The following PLEKHG4B variants were observed in gnomAD, a reference collection of about 807,000 sequenced individuals.
PLEKHG4B encodes the protein pleckstrin homology domain-containing family G member 4B.
A neutral mutation model predicts 121.3 loss-of-function variants in PLEKHG4B; 111 were observed. The ratio of observed to expected loss-of-function variants is 0.92; its 90% CI spans 0.78 to 1.07. The LOEUF (loss-of-function observed/expected upper bound fraction) is 1.07. PLEKHG4B is among the 50% of genes least tolerant of loss of function. PLEKHG4B has a pLI of 0.00. For synonymous variants in PLEKHG4B, 738 were observed against 725.0 expected (o/e 1.02, Z -0.29); for missense variants, 1,831 against 1,757.8 (o/e 1.04, Z -0.74).
At chr5:142,312 A>G (rs1043070971) in intron 3 of PLEKHG4B, among the ~76,000 whole-genome samples, 5 of 151,542 alleles carry the variant, frequency 3.3e-5, no homozygotes, top group Non-Finnish European at 5.9e-5. Context: ...AGTCACACAC[A>G]CGCCATAACA....
intron 2 of PLEKHG4B, among the ~76,000 whole-genome samples, chr5:127,957 A>C (rs1734668138): frequency 6.6e-6 from 1 of 152,246 alleles, no homozygotes. Context: ...TGGTGAATTT[A>C]AACATTTTCT....
At chr5:160,860 C>A (rs554251528) in intron 11 of PLEKHG4B, among the ~76,000 whole-genome samples, 1 of 152,214 alleles carries the variant, frequency 6.6e-6, no homozygotes, top group Non-Finnish European at 1.5e-5. Flanking sequence ...CTGCCCCTTG[C>A]CTGGCAGTTG....
In PLEKHG4B at chr5:181,519, A is replaced by G; in HGVS notation, c.4408A>G (p.Arg1470Gly). ...CATACTTTCTTCTGTCTTAGAACTC[A>G]GAATCCAAGAAATGGCATCCATGGG... ...WRQALKSREL[R>G]IQEMASMGIG... The change falls in exon 19 of 20, where the codon AGA becomes GGA. Residue 1470 changes from arginine to glycine, a missense_variant. Arg to Gly is a moderately radical substitution (Grantham distance 125). Transcript: ENST00000637938. 1 of 1,613,664 alleles carries G rather than the reference A, an allele frequency of 6.2e-7. No individual in the cohort carries two copies.
chr5:138,725 G>C (rs777109081), intron 2 of PLEKHG4B, among the ~76,000 whole-genome samples: 1 of 152,222 alleles, frequency 6.6e-6, no homozygotes. Context: ...CTTGGTGTAA[G>C]ATTCTGCAGA....
rs573741701 is a variant in PLEKHG4B, at chr5:130,734, C to A, written c.244-8749C>A. Among the ~76,000 whole-genome samples, 7 of 152,162 alleles carry A rather than the reference C, an allele frequency of 4.6e-5. No individual in the cohort carries two copies. In the East Asian group the frequency reaches 1.3e-3, roughly 29 times the overall value. On this transcript the variant is annotated intron_variant, in intron 2 of 19. Coordinates refer to ENST00000637938, the MANE Select transcript of PLEKHG4B (RefSeq NM_052909.5). ...TCTCCTTGACACTGTGTTGAAACAA[C>A]TTGAGTGCACCGCTTAGAGAAGACA...
intron 1 of PLEKHG4B, among the ~76,000 whole-genome samples, chr5:94,168 C>T (rs1469944332): frequency 6.6e-6 from 1 of 152,236 alleles, no homozygotes; most frequent in Admixed American, 6.5e-5. Context: ...TCCTGGTTCT[C>T]CTTCTCCCCT....
chr5:175,223 TC>T (rs987917608), intron 18 of PLEKHG4B, among the ~76,000 whole-genome samples: 2 of 151,972 alleles, frequency 1.3e-5, no homozygotes, highest in African/African-American at 2.4e-5. Context: ...CCCTCAGTCT[TC>T]CTGCAGGTGA....
In PLEKHG4B at chr5:104,500, TATTA is replaced by T. The variant is rs748355294; in HGVS notation, c.46-8745_46-8742del. On this transcript the variant is annotated intron_variant, in intron 1 of 19. Coordinates refer to ENST00000637938, the MANE Select transcript of PLEKHG4B (RefSeq NM_052909.5). Reference sequence around the variant, plus strand: ...TTATAAAGGGGTATAAATGTTCCAATATTAATTAAGTTGACAACCAGTAACCCAA... The same window carrying T: ...TTATAAAGGGGTATAAATGTTCCAATATTAAGTTGACAACCAGTAACCCAA... 5.9e-5 allele frequency among the ~76,000 whole-genome samples: 9 copies of T among 152,248 alleles called. No homozygotes were observed. In the South Asian group the frequency reaches 6.2e-4, roughly 11 times the overall value.
chr5:143,038 T>C lies in PLEKHG4B; in HGVS notation c.1478-9T>C. The C allele has an allele frequency of 1.9e-6, 3 of 1,612,460 alleles. No individual in the cohort carries two copies. Among genetic ancestry groups the C allele is most frequent in the South Asian group, 1.1e-5 (1 of 91,042 alleles). On this transcript the variant is annotated splice_polypyrimidine_tract_variant and intron_variant, in intron 3 of 19. Transcript: ENST00000637938. ...TTCATCTTTGACACGGCCTCTTTCC[T>C]TTGTCCAGACGTTCTTGCATCCTCA...
At chr5:112,824 C>T (rs1273512180) in intron 1 of PLEKHG4B, among the ~76,000 whole-genome samples, 1 of 152,210 alleles carries the variant, frequency 6.6e-6, no homozygotes, top group South Asian at 2.1e-4. Context: ...CCTGTACAAA[C>T]CCAGGAGAGC....
At chr5:166,961 T>G (rs1736374092) in intron 13 of PLEKHG4B, among the ~76,000 whole-genome samples, 1 of 152,218 alleles carries the variant, frequency 6.6e-6, no homozygotes, top group South Asian at 2.1e-4. Flanking sequence ...GCGCTGTCCC[T>G]GAGTCTCAGC....
At chr5:152,231 G>C (rs1735630545) in intron 7 of PLEKHG4B, among the ~76,000 whole-genome samples, 1 of 146,838 alleles carries the variant, frequency 6.8e-6, no homozygotes, top group Non-Finnish European at 1.5e-5. Context: ...CCTTTCCTGA[G>C]ACAGCATCTA....
chr5:128,985 G>A (rs920364958), intron 2 of PLEKHG4B, among the ~76,000 whole-genome samples: 2 of 152,152 alleles, frequency 1.3e-5, no homozygotes, highest in Non-Finnish European at 1.5e-5. Context: ...AAAGACTGAC[G>A]AAACAGATTC....
At chr5:118,578 AT>A (rs567719051) in intron 2 of PLEKHG4B, among the ~76,000 whole-genome samples, 2 of 152,202 alleles carry the variant, frequency 1.3e-5, no homozygotes, top group Non-Finnish European at 2.9e-5. Context: ...TTCAATTAAT[AT>A]TTTAAAGTTC....
chr5:155,009 C>CA lies in PLEKHG4B; in HGVS notation c.2109+18_2109+19insA. 6.3e-7 allele frequency: 1 copy of CA among 1,585,076 alleles called. No individual in the cohort carries two copies. Among genetic ancestry groups the CA allele is most frequent in the Non-Finnish European group, 8.6e-7 (1 of 1,156,530 alleles). ...TCCGTCAGGTAGGTTCAGCCTGCAG[C>CA]TGCTGCACATGCGACAGTCTCTGGG... is the stretch of plus-strand genomic sequence containing the variant. On this transcript the variant is annotated intron_variant, in intron 8 of 19. Transcript: ENST00000637938.
chr5:154,860 G>T lies in PLEKHG4B; in HGVS notation c.1993-15G>T. The T allele has an allele frequency of 6.2e-7, 1 of 1,603,090 alleles. No individual in the cohort carries two copies. On this transcript the variant is annotated splice_polypyrimidine_tract_variant and intron_variant, in intron 7 of 19. Transcript: ENST00000637938. The stretch of plus-strand genomic sequence containing the variant: ...GCATCTGGAGCCATGACCAACGAGT[G>T]CCTCTTCTTGGCAGTGTGAGGTCGT...
Position 188,360 on chromosome 5 carries a change from A to G in PLEKHG4B, c.*6037A>G, listed in dbSNP as rs959273945. On this transcript the variant is annotated 3_prime_UTR_variant, in exon 20 of 20. Coordinates refer to ENST00000637938, the MANE Select transcript of PLEKHG4B (RefSeq NM_052909.5). ...GGACCGACCCTGCAGGGAGATGCTG[A>G]CCCACCCTGAGACCCAGGAGAAGAA... 9 of 152,094 alleles carry G rather than the reference A, an allele frequency of 5.9e-5. No individual in the cohort carries two copies. Among genetic ancestry groups the G allele is most frequent in the South Asian group, 2.1e-4 (1 of 4,796 alleles). The allele number at this position is 152,094 out of a possible 1,614,324, so 9.4% of individuals were successfully genotyped here. A position where few individuals can be genotyped will look rare whatever the true frequency, so the allele number is the denominator to read the frequency against.
rs1234706802 is a variant in PLEKHG4B, at chr5:183,304, T to TCACACA, written c.*985_*986insCACACA. 5.9e-5 allele frequency: 9 copies of TCACACA among 152,128 alleles called. No individual in the cohort carries two copies. The highest frequency in any genetic ancestry group is 2.0e-4 in the Admixed American group (3 of 15,280). 9.4% of individuals were successfully genotyped at this position (152,128 alleles called of 1,614,324 possible). Reference sequence around the variant, plus strand: ...AGTGTCCACACCCTGCAAGGTAAACTCACAGTGCCTGACCTCGGAGTGCCA... The same window carrying TCACACA: ...AGTGTCCACACCCTGCAAGGTAAACTCACACACACAGTGCCTGACCTCGGAGTGCCA... On this transcript the variant is annotated 3_prime_UTR_variant, in exon 20 of 20. Coordinates refer to ENST00000637938, the MANE Select transcript of PLEKHG4B (RefSeq NM_052909.5).
At chr5:114,703 C>T (rs535081294) in intron 2 of PLEKHG4B, among the ~76,000 whole-genome samples, 3 of 152,272 alleles carry the variant, frequency 2.0e-5, no homozygotes, top group South Asian at 2.1e-4. Context: ...GTGATCCACC[C>T]GCCCCAGCCT....
Sources: gnomAD v4.1 joint callset for allele counts (sites outside exome capture counted in the v4.1 genomes callset) on GRCh38, gnomAD v4.1.1 for gene constraint, MANE v1.5 for transcripts, NCBI Gene and HGNC (gene_info 2026-07-23, HGNC 2026-07-21) for gene names.